Variants in CALN1 observed in about 807,000 individuals in gnomAD.
CALN1 encodes calneuron 1.
CALN1 carries 17 observed loss-of-function variants against 30.6 expected under a neutral mutation model. The ratio of observed to expected loss-of-function variants is 0.56; its 90% CI spans 0.38 to 0.83. CALN1 has a LOEUF of 0.83. CALN1 is among the 40% of genes least tolerant of loss of function. The pLI, the probability that CALN1 is intolerant of heterozygous loss-of-function variation, is 0.00. For missense variants in CALN1, 291 were observed against 354.9 expected (o/e 0.82, Z 1.45); for synonymous variants, 156 against 131.4 (o/e 1.19, Z -1.28).
At chr7:72,320,198 A>G (rs1800775143) in intron 2 of CALN1, among the ~76,000 whole-genome samples, 1 of 152,156 alleles carries the variant, frequency 6.6e-6, no homozygotes, top group Non-Finnish European at 1.5e-5. Context: ...GCAAGCAGGC[A>G]GAGAGGGAGG....
At chr7:72,282,981 G>A (rs762863134) in intron 2 of CALN1, among the ~76,000 whole-genome samples, 6 of 151,438 alleles carry the variant, frequency 4.0e-5, no homozygotes, top group East Asian at 1.9e-4. Flanking sequence ...ACTTGAACCC[G>A]GGAGTGGACG....
chr7:71,861,920 C>G (rs150712875), intron 5 of CALN1, among the ~76,000 whole-genome samples: 1 of 152,136 alleles, frequency 6.6e-6, no homozygotes. Context: ...CCAGGGCTGC[C>G]TGTCTACTTA....
At chr7:72,325,757 G>T (rs1283864276) in intron 2 of CALN1, among the ~76,000 whole-genome samples, 1 of 152,164 alleles carries the variant, frequency 6.6e-6, no homozygotes, top group Admixed American at 6.5e-5. Flanking sequence ...GAGGGCAGAT[G>T]ATCTATTGGT....
intron 2 of CALN1, among the ~76,000 whole-genome samples, chr7:72,353,854 A>G (rs960069461): frequency 6.6e-6 from 1 of 152,134 alleles, no homozygotes; most frequent in South Asian, 2.1e-4. Context: ...TACAAGGTCA[A>G]TGCCAACAAT....
chr7:72,262,234 G>A (rs926165349), intron 3 of CALN1, among the ~76,000 whole-genome samples: 1 of 152,146 alleles, frequency 6.6e-6, no homozygotes. Flanking sequence ...CTATGGACAC[G>A]TTCCCTCCTG....
At chr7:71,839,146 A>C (rs1789789011) in intron 5 of CALN1, among the ~76,000 whole-genome samples, 2 of 152,126 alleles carry the variant, frequency 1.3e-5, no homozygotes, top group Admixed American at 1.3e-4. Flanking sequence ...AGAGAAAGGG[A>C]GACCCATAAA....
chr7:72,253,915 AT>A (rs1482740309), intron 3 of CALN1, among the ~76,000 whole-genome samples: 16 of 152,072 alleles, frequency 1.1e-4, no homozygotes, highest in Admixed American at 9.8e-4. Context: ...TAATTTTTAT[AT>A]TTTTAATAGA....
chr7:72,498,490 C>A, the CALN1 span, among the ~76,000 whole-genome samples: 2 of 151,982 alleles, frequency 1.3e-5, no homozygotes, highest in Non-Finnish European at 2.9e-5. Flanking sequence ...ACTTTGTACT[C>A]AATAAATGGA....
upstream of CALN1, among the ~76,000 whole-genome samples, chr7:72,416,941 A>G (rs1460755764): frequency 6.6e-6 from 1 of 152,072 alleles, no homozygotes; most frequent in African/African-American, 2.4e-5. Flanking sequence ...GCTGAGACCA[A>G]GTCTTTGGTC....
intron 3 of CALN1, among the ~76,000 whole-genome samples, chr7:72,240,529 A>T (rs1187757913): frequency 2.0e-5 from 3 of 152,170 alleles, no homozygotes; most frequent in Non-Finnish European, 4.4e-5. Context: ...GCCAGTGTCT[A>T]ACAAACACAG....
chr7:71,828,989 T>G (rs533399911), intron 5 of CALN1, among the ~76,000 whole-genome samples: 5 of 152,042 alleles, frequency 3.3e-5, no homozygotes, highest in Admixed American at 3.3e-4. Flanking sequence ...CCTCAGGTGA[T>G]CCATCTCGGC....
At chr7:72,497,190 A>T in the CALN1 span, among the ~76,000 whole-genome samples, 1 of 152,218 alleles carries the variant, frequency 6.6e-6, no homozygotes, top group South Asian at 2.1e-4. Context: ...CTGTAATCCT[A>T]GCACTTTGGG....
intron 2 of CALN1, among the ~76,000 whole-genome samples, chr7:72,311,127 T>C (rs754874710): frequency 6.6e-6 from 1 of 152,006 alleles, no homozygotes; most frequent in African/African-American, 2.4e-5. Flanking sequence ...CCTCCTCCTC[T>C]TCAGTCTACT....
chr7:71,919,140 C>G (rs564676832), intron 5 of CALN1, among the ~76,000 whole-genome samples: 1 of 152,312 alleles, frequency 6.6e-6, no homozygotes, highest in South Asian at 2.1e-4. Context: ...CCACCTAATG[C>G]CCGATGCTGC....
chr7:72,377,502 T>C (rs1343057947), intron 2 of CALN1, among the ~76,000 whole-genome samples: 1 of 151,594 alleles, frequency 6.6e-6, no homozygotes, highest in Non-Finnish European at 1.5e-5. Context: ...TTTTATTGAA[T>C]GCTGAACATT....
At chr7:72,091,845 A>C (rs964197791) in intron 4 of CALN1, among the ~76,000 whole-genome samples, 3 of 152,232 alleles carry the variant, frequency 2.0e-5, no homozygotes, top group Admixed American at 6.5e-5. Flanking sequence ...GTATATTTTT[A>C]ATGTGAGATT....
intron 5 of CALN1, among the ~76,000 whole-genome samples, chr7:71,892,621 C>A (rs1250889536): frequency 6.6e-6 from 1 of 151,770 alleles, no homozygotes; most frequent in African/African-American, 2.4e-5. Flanking sequence ...ACTCCATTTC[C>A]CCCCAAAAAA....
intron 3 of CALN1, among the ~76,000 whole-genome samples, chr7:72,232,509 G>A (rs560430213): frequency 2.6e-5 from 4 of 152,292 alleles, no homozygotes; most frequent in African/African-American, 7.2e-5. Context: ...TGCCCAGGCT[G>A]TAGTGCAGTG....
chr7:71,981,809 C>A (rs1584672542), intron 5 of CALN1, among the ~76,000 whole-genome samples: 1 of 152,240 alleles, frequency 6.6e-6, no homozygotes, highest in East Asian at 1.9e-4. Context: ...GGACTCCCGG[C>A]TTGTGTCTGC....
Sources: gnomAD v4.1 joint callset for allele counts (sites outside exome capture counted in the v4.1 genomes callset) on GRCh38, gnomAD v4.1.1 for gene constraint, MANE v1.5 for transcripts, NCBI Gene and HGNC (gene_info 2026-07-23, HGNC 2026-07-21) for gene names.